KCNIP4: variants seen among roughly 807,000 people sequenced by gnomAD.
KCNIP4 encodes the protein potassium voltage-gated channel interacting protein 4, also known as Kv channel-interacting protein 4.
A neutral mutation model predicts 34.0 loss-of-function variants in KCNIP4; 12 were observed. The ratio of observed to expected loss-of-function variants is 0.35; its 90% CI spans 0.23 to 0.57. The LOEUF (loss-of-function observed/expected upper bound fraction) is 0.57. Among genes scored for constraint, KCNIP4 ranks in the 20% least tolerant of loss-of-function variants. The pLI is 0.83. For missense variants in KCNIP4, 238 were observed against 311.7 expected (o/e 0.76, Z 1.78); for synonymous variants, 124 against 102.2 (o/e 1.21, Z -1.29).
intron 1 of KCNIP4, among the ~76,000 whole-genome samples, chr4:21,239,274 A>G (rs369554745): frequency 6.9e-6 from 1 of 144,092 alleles, no homozygotes; most frequent in Admixed American, 7.0e-5. Context: ...TAAAAACCCT[A>G]GAAGAAAACC....
chr4:20,918,612 A>G (rs983276815), intron 1 of KCNIP4, among the ~76,000 whole-genome samples: 2 of 152,158 alleles, frequency 1.3e-5, no homozygotes, highest in Non-Finnish European at 2.9e-5. Flanking sequence ...CGTACTAGGA[A>G]CTGGAATTCG....
chr4:20,967,834 A>G (rs997188176), intron 1 of KCNIP4, among the ~76,000 whole-genome samples: 30 of 152,240 alleles, frequency 2.0e-4, no homozygotes, highest in African/African-American at 7.0e-4. Flanking sequence ...AACCTAGAAG[A>G]AAACCTAGGC....
Position 20,729,096 on chromosome 4 carries a change from G to A in KCNIP4, c.*986C>T, listed in dbSNP as rs1747013117. 6.6e-6 allele frequency: 1 copy of A among 152,404 alleles called. No homozygotes were observed. Among genetic ancestry groups the A allele is most frequent in the Non-Finnish European group, 1.5e-5 (1 of 67,998 alleles). The allele number at this position is 152,404 out of a possible 1,614,324, so 9.4% of individuals were successfully genotyped here. A position where few individuals can be genotyped will look rare whatever the true frequency, so the allele number is the denominator to read the frequency against. On this transcript the variant is annotated 3_prime_UTR_variant, in exon 9 of 9. Transcript: ENST00000382152. ...TGCTGTTTGTTCTTAGTAGACAGTG[G>A]GGTAGTCAAGGTTTCTTTCTTTGTC...
At chr4:21,064,041 C>A (rs1477984464) in intron 1 of KCNIP4, among the ~76,000 whole-genome samples, 1 of 152,056 alleles carries the variant, frequency 6.6e-6, no homozygotes, top group Non-Finnish European at 1.5e-5. Flanking sequence ...ATAATTAATT[C>A]TTAAACTGCT....
At chr4:21,084,164 C>T (rs1746223889) in intron 1 of KCNIP4, among the ~76,000 whole-genome samples, 1 of 151,746 alleles carries the variant, frequency 6.6e-6, no homozygotes, top group African/African-American at 2.4e-5. Flanking sequence ...CTTTGAATGT[C>T]AGTGGCGTGC....
chr4:21,864,347 C>T (rs561781397), intron 1 of KCNIP4, among the ~76,000 whole-genome samples: 1 of 152,300 alleles, frequency 6.6e-6, no homozygotes, highest in African/African-American at 2.4e-5. Context: ...CACAAGATCA[C>T]ATTTTATTTT....
intron 1 of KCNIP4, among the ~76,000 whole-genome samples, chr4:21,036,296 G>A (rs1280229292): frequency 6.6e-6 from 1 of 152,096 alleles, no homozygotes; most frequent in Non-Finnish European, 1.5e-5. Flanking sequence ...TATCATAGAA[G>A]GATTAGGTGG....
At chr4:21,418,553 T>G (rs528556709) in intron 1 of KCNIP4, among the ~76,000 whole-genome samples, 1 of 152,210 alleles carries the variant, frequency 6.6e-6, no homozygotes, top group South Asian at 2.1e-4. Flanking sequence ...ACACAGAGAT[T>G]ATATAGGGTG....
At chr4:21,014,254 T>C (rs542256794) in intron 1 of KCNIP4, among the ~76,000 whole-genome samples, 1 of 152,310 alleles carries the variant, frequency 6.6e-6, no homozygotes, top group Non-Finnish European at 1.5e-5. Context: ...ACATGCCCCA[T>C]GAAAGTCATA....
intron 1 of KCNIP4, among the ~76,000 whole-genome samples, chr4:20,940,557 C>T: frequency 6.6e-6 from 1 of 152,166 alleles, no homozygotes; most frequent in East Asian, 1.9e-4. Flanking sequence ...GATCTTTAAA[C>T]ATTCAGCATA....
intron 1 of KCNIP4, among the ~76,000 whole-genome samples, chr4:20,922,665 T>C (rs1353272103): frequency 6.6e-6 from 1 of 152,148 alleles, no homozygotes; most frequent in African/African-American, 2.4e-5. Context: ...CTTCAGTTTC[T>C]TTATCTGAAA....
chr4:20,734,870 G>T (rs553516998), intron 5 of KCNIP4, 135 bp from the exon 6 acceptor site: 2 of 476,810 alleles, frequency 4.2e-6, no homozygotes, highest in South Asian at 6.6e-5. Context: ...GTTATTGGTT[G>T]TCTAGTTTTC....
chr4:20,868,253 A>G (rs1339849286), intron 2 of KCNIP4, among the ~76,000 whole-genome samples: 2 of 146,250 alleles, frequency 1.4e-5, no homozygotes, highest in Non-Finnish European at 2.9e-5. Context: ...AACACTCAGT[A>G]TTAGTAATCA....
chr4:20,958,333 T>C (rs1264464770), intron 1 of KCNIP4, among the ~76,000 whole-genome samples: 1 of 152,092 alleles, frequency 6.6e-6, no homozygotes, highest in African/African-American at 2.4e-5. Flanking sequence ...ATTGAGAAAA[T>C]GGGGTGCTTT....
At position 20,902,471 on chromosome 4, in the gene KCNIP4, T is replaced by C. The variant is rs542334019; in HGVS notation, c.62-19762A>G. The stretch of plus-strand genomic sequence containing the variant: ...CCATACCAGCCAGCAAGGTATTAGG[T>C]TGGTGCAAAAGTGATTAGTATTGCA... On this transcript the variant is annotated intron_variant, in intron 1 of 8. Coordinates refer to ENST00000382152, the MANE Select transcript of KCNIP4 (RefSeq NM_025221.6). 1.9e-3 allele frequency among the ~76,000 whole-genome samples: 291 copies of C among 152,288 alleles called. 1 individual carries two copies. Among genetic ancestry groups the C allele is most frequent in the African/African-American group, 6.8e-3 (281 of 41,572 alleles).
intron 1 of KCNIP4, among the ~76,000 whole-genome samples, chr4:21,079,290 G>A (rs552198306): frequency 6.6e-6 from 1 of 152,114 alleles, no homozygotes; most frequent in Non-Finnish European, 1.5e-5. Context: ...TAAATATGAT[G>A]TATGTTTTAT....
chr4:20,784,036 G>A (rs1369605553), intron 3 of KCNIP4, among the ~76,000 whole-genome samples: 2 of 152,118 alleles, frequency 1.3e-5, no homozygotes, highest in African/African-American at 2.4e-5. Context: ...GCATCACAGG[G>A]TTTATCCAGT....
At chr4:21,778,235 T>C (rs1719318384) in intron 1 of KCNIP4, among the ~76,000 whole-genome samples, 2 of 27,858 alleles carry the variant, frequency 7.2e-5, no homozygotes, top group Non-Finnish European at 1.5e-4. Context: ...TTTTTTTTTT[T>C]CTTTTTTTTT....
In KCNIP4 at chr4:20,905,755, C is replaced by T. The variant is rs1025601263; in HGVS notation, c.62-23046G>A. On this transcript the variant is annotated intron_variant, in intron 1 of 8. Coordinates refer to ENST00000382152, the MANE Select transcript of KCNIP4 (RefSeq NM_025221.6). Reference sequence around the variant, plus strand: ...TGGGCTGGTCTCAAACTCCTGATGTCGTGATCCGCCCGCCTTGGCCTCCCA... The same window carrying T: ...TGGGCTGGTCTCAAACTCCTGATGTTGTGATCCGCCCGCCTTGGCCTCCCA... Among the ~76,000 whole-genome samples the T allele has an allele frequency of 3.3e-5, 5 of 151,482 alleles. No individual in the cohort carries two copies. The East Asian group carries it at 7.8e-4, about 24-fold the overall frequency.
Sources: gnomAD v4.1 joint callset for allele counts (sites outside exome capture counted in the v4.1 genomes callset) on GRCh38, gnomAD v4.1.1 for gene constraint, MANE v1.5 for transcripts, NCBI Gene and HGNC (gene_info 2026-07-23, HGNC 2026-07-21) for gene names.